SNX29: variants seen among roughly 807,000 people sequenced by gnomAD.
SNX29 encodes sorting nexin-29.
In SNX29, 78 loss-of-function variants were observed where a neutral mutation model predicts 102.1. The ratio of observed to expected loss-of-function variants is 0.76; its 90% CI spans 0.64 to 0.92. The LOEUF (loss-of-function observed/expected upper bound fraction) is 0.92, where lower values mean the gene tolerates loss of function less well. Ranked by LOEUF, SNX29 falls within the 40% of genes least tolerant of loss-of-function variation. The pLI is 0.00. For missense variants in SNX29, 1,280 were observed against 1,061.7 expected (o/e 1.21, Z -2.86); for synonymous variants, 580 against 414.5 (o/e 1.40, Z -4.85).
intron 7 of SNX29, among the ~76,000 whole-genome samples, chr16:12,050,772 C>T (rs993972183): frequency 2.6e-5 from 4 of 151,962 alleles, no homozygotes; most frequent in Admixed American, 1.3e-4. Flanking sequence ...AGTGCAATGG[C>T]GCAATCTTGG....
intron 1 of SNX29, among the ~76,000 whole-genome samples, chr16:11,998,480 T>A (rs1240558899): frequency 6.6e-6 from 1 of 152,212 alleles, no homozygotes; most frequent in African/African-American, 2.4e-5. Flanking sequence ...TAGGGTTATT[T>A]ATTTTGTGAG....
At chr16:12,434,873 G>A (rs1027899500) in intron 18 of SNX29, among the ~76,000 whole-genome samples, 2 of 148,876 alleles carry the variant, frequency 1.3e-5, no homozygotes, top group Non-Finnish European at 3.0e-5. Flanking sequence ...TGTAACAGAC[G>A]TTACAGACGT....
At chr16:12,050,447 T>G (rs541929891) in intron 7 of SNX29, among the ~76,000 whole-genome samples, 1 of 152,338 alleles carries the variant, frequency 6.6e-6, no homozygotes, top group Non-Finnish European at 1.5e-5. Context: ...GTTACTTTTT[T>G]GTGTGGGTTG....
chr16:12,034,489 C>T (rs1434786201), intron 4 of SNX29, among the ~76,000 whole-genome samples: 1 of 152,148 alleles, frequency 6.6e-6, no homozygotes, highest in Non-Finnish European at 1.5e-5. Context: ...GGGAGGAAGT[C>T]AGAAGCCAGG....
chr16:12,221,233 G>A (rs536302599), intron 14 of SNX29, among the ~76,000 whole-genome samples: 31 of 152,124 alleles, frequency 2.0e-4, no homozygotes, highest in African/African-American at 7.5e-4. Context: ...GGAGGGGAGA[G>A]ATTGGAGGGT....
At chr16:12,030,443 AC>A (rs1450983444) in intron 4 of SNX29, among the ~76,000 whole-genome samples, 1 of 152,186 alleles carries the variant, frequency 6.6e-6, no homozygotes, top group African/African-American at 2.4e-5. Flanking sequence ...GGTCCCCTGG[AC>A]AGCTCTTGGG....
At chr16:12,431,434 C>CTT (rs200189537) in intron 18 of SNX29, among the ~76,000 whole-genome samples, 251 of 136,940 alleles carry the variant, frequency 1.8e-3, no homozygotes, top group African/African-American at 5.6e-3. Context: ...TCTTCTTCTT[C>CTT]TTTTTTTTTT....
rs1309938821 is a variant in SNX29 at position 12,570,660 on chromosome 16, G to A, written c.*2031G>A. The A allele has an allele frequency of 4.3e-6, 1 of 231,872 alleles. No homozygotes were observed. Among genetic ancestry groups the A allele is most frequent in the African/African-American group, 2.2e-5 (1 of 45,212 alleles). 14.4% of individuals were successfully genotyped at this position (231,872 alleles called of 1,614,324 possible). A position where few individuals can be genotyped will look rare whatever the true frequency, so the allele number is the denominator to read the frequency against. Reference sequence around the variant, plus strand: ...TCCCCCATCTGTGACATTCCCTTGGGCCCAGGCTTATGACCTGCACCTTTT... The same window carrying A: ...TCCCCCATCTGTGACATTCCCTTGGACCCAGGCTTATGACCTGCACCTTTT... On this transcript the variant is annotated 3_prime_UTR_variant, in exon 21 of 21. Transcript: ENST00000566228.
At chr16:12,138,621 T>A (rs1291761475) in intron 13 of SNX29, among the ~76,000 whole-genome samples, 1 of 152,164 alleles carries the variant, frequency 6.6e-6, no homozygotes, top group Non-Finnish European at 1.5e-5. Context: ...GCTCTTAGGC[T>A]TAGTAGAGAC....
At chr16:12,219,872 A>G (rs1179644691) in intron 14 of SNX29, among the ~76,000 whole-genome samples, 2 of 152,142 alleles carry the variant, frequency 1.3e-5, no homozygotes, top group Admixed American at 6.5e-5. Flanking sequence ...GTCTGGCTCA[A>G]TCACTCGTAC....
intron 13 of SNX29, among the ~76,000 whole-genome samples, chr16:12,151,953 T>C (rs1319528253): frequency 6.6e-6 from 1 of 152,220 alleles, no homozygotes; most frequent in African/African-American, 2.4e-5. Context: ...CAGACTAGTC[T>C]GAAACTCCTG....
chr16:12,565,482 C>G (rs12918863), intron 20 of SNX29, among the ~76,000 whole-genome samples: 39,098 of 151,948 alleles, frequency 0.26, 5,542 homozygotes, highest in East Asian at 0.43. Context: ...CATCACAGCA[C>G]CCCTGCCTCC....
At chr16:12,112,306 C>T (rs979747442) in intron 11 of SNX29, among the ~76,000 whole-genome samples, 1 of 152,142 alleles carries the variant, frequency 6.6e-6, no homozygotes, top group African/African-American at 2.4e-5. Flanking sequence ...CCCTACCTCC[C>T]CTCCCTCTTA....
At chr16:12,562,173 C>G (rs1372910519) in intron 20 of SNX29, among the ~76,000 whole-genome samples, 2 of 152,168 alleles carry the variant, frequency 1.3e-5, no homozygotes, top group Non-Finnish European at 2.9e-5. Context: ...AGATTGAGGT[C>G]TGACCTGAGC....
intron 1 of SNX29, among the ~76,000 whole-genome samples, chr16:11,988,162 C>T (rs1050676816): frequency 4.0e-5 from 6 of 151,898 alleles, no homozygotes; most frequent in Admixed American, 1.3e-4. Context: ...GGTGTGGTGG[C>T]GGGTGCCTGT....
chr16:12,457,568 GA>G (rs764203872), intron 18 of SNX29, among the ~76,000 whole-genome samples: 15 of 152,200 alleles, frequency 9.9e-5, no homozygotes, highest in Non-Finnish European at 1.9e-4. Flanking sequence ...TTAGGTGGGG[GA>G]AAAGACAAAG....
At chr16:12,438,742 A>G (rs1413313208) in intron 18 of SNX29, among the ~76,000 whole-genome samples, 1 of 152,224 alleles carries the variant, frequency 6.6e-6, no homozygotes, top group Non-Finnish European at 1.5e-5. Flanking sequence ...TGAGCACATT[A>G]AAATCAGAAG....
intron 9 of SNX29, among the ~76,000 whole-genome samples, chr16:12,063,596 C>T (rs773928892): frequency 9.2e-5 from 14 of 151,994 alleles, no homozygotes; most frequent in Non-Finnish European, 1.6e-4. Flanking sequence ...CCAGACTGAT[C>T]TCAAACTCCT....
intron 14 of SNX29, among the ~76,000 whole-genome samples, chr16:12,242,883 A>G (rs184094529): frequency 4.6e-5 from 7 of 152,228 alleles, no homozygotes; most frequent in Middle Eastern, 3.4e-3. Context: ...GCTGGACTCA[A>G]GCAGTGCTTC....
Sources: gnomAD v4.1 joint callset for allele counts (sites outside exome capture counted in the v4.1 genomes callset) on GRCh38, gnomAD v4.1.1 for gene constraint, MANE v1.5 for transcripts, NCBI Gene and HGNC (gene_info 2026-07-23, HGNC 2026-07-21) for gene names.